KCNH2: variants seen among roughly 807,000 people sequenced by gnomAD.
KCNH2 encodes the protein voltage-gated inwardly rectifying potassium channel KCNH2.
In KCNH2, 35 loss-of-function variants were observed where a neutral mutation model predicts 95.9. The observed-to-expected ratio is 0.37, with a 90% confidence interval of 0.28 to 0.48. The LOEUF (loss-of-function observed/expected upper bound fraction) is 0.48. KCNH2 is among the 20% of genes least tolerant of loss of function. KCNH2 has a pLI of 0.99. For synonymous variants in KCNH2, 786 were observed against 754.7 expected (o/e 1.04, Z -0.68); for missense variants, 1,274 against 1,702.9 (o/e 0.75, Z 4.43).
Position 150,948,842 on chromosome 7 carries a change from G to A in KCNH2, c.2592+14C>T. 1 of 1,613,632 alleles carries A rather than the reference G, an allele frequency of 6.2e-7. No individual in the cohort carries two copies. The highest frequency in any genetic ancestry group is 1.1e-5 in the South Asian group (1 of 91,048). ...AGCAGGAGGATGGGGTCCAGCTCAG[G>A]GCAGCCAACTCACATCTCGCAGGTT... On this transcript the variant is annotated intron_variant, in intron 10 of 14. Coordinates refer to ENST00000262186, the MANE Select transcript of KCNH2 (RefSeq NM_000238.4).
intron 2 of KCNH2, among the ~76,000 whole-genome samples, chr7:150,967,755 G>T (rs1801742707): frequency 6.6e-6 from 1 of 152,216 alleles, no homozygotes; most frequent in African/African-American, 2.4e-5. Flanking sequence ...AAAAATCAAT[G>T]AATTTGTTTG....
chr7:150,975,032 C>T (rs1801946241), intron 1 of KCNH2, 91 bp from the exon 2 acceptor site: 1 of 1,107,944 alleles, frequency 9.0e-7, no homozygotes, highest in Admixed American at 2.2e-5. Context: ...CACACAGCCG[C>T]CCGGGGACTC....
intron 2 of KCNH2, among the ~76,000 whole-genome samples, chr7:150,967,254 G>A (rs1002500999): frequency 1.3e-5 from 2 of 152,076 alleles, no homozygotes; most frequent in Non-Finnish European, 2.9e-5. Context: ...ACTCCAGCCT[G>A]GGCAACAGAG....
chr7:150,950,216 G>C lies in KCNH2; in HGVS notation c.2350C>G (p.Arg784Gly), dbSNP rs12720441. The C allele has an allele frequency of 6.2e-7, 1 of 1,612,520 alleles. No individual in the cohort carries two copies. The highest frequency in any genetic ancestry group is 2.2e-5 in the East Asian group (1 of 44,758). ...CCCCGCAGGATCTCGATGGAGCCCC[G>C]GGAGATGAAGTACAGGGCGGTGAGC... is the stretch of plus-strand genomic sequence containing the variant. ...DLLTALYFIS[R>G]GSIEILRGDV... The change falls in exon 9 of 15, where the codon CGG becomes GGG. Residue 784 changes from arginine (R) to glycine (G), a missense_variant. By Grantham distance (125) the Arg-to-Gly change is moderately radical (BLOSUM62 -2). This residue lies in a region of KCNH2 where 159 missense variants were observed against 282.5 expected (regional missense o/e 0.56). Coordinates refer to ENST00000262186, the MANE Select transcript of KCNH2 (RefSeq NM_000238.4).
chr7:150,950,463 ACCC>A, intron 8 of KCNH2, 43 bp from the exon 9 acceptor site: 1 of 1,599,166 alleles, frequency 6.3e-7, no homozygotes, highest in Non-Finnish European at 8.5e-7. Flanking sequence ...CTCCCTTGGG[ACCC>A]CCCAACCCAC....
In KCNH2 at chr7:150,977,731, T is replaced by A. The variant is rs998782873; in HGVS notation, c.76+107A>T. On this transcript the variant is annotated intron_variant, in intron 1 of 14. Transcript: ENST00000262186. ...CTGGGGCCCACCAGGCCCCATTGAC[T>A]CGCACTTGCCGACGCACACGGCCCG... 1.5e-5 allele frequency: 13 copies of A among 855,878 alleles called. No individual in the cohort carries two copies. In the African/African-American group the frequency reaches 2.0e-4, roughly 13 times the overall value. The allele number at this position is 855,878 out of a possible 1,614,324, so 53.0% of individuals were successfully genotyped here. A position where few individuals can be genotyped will look rare whatever the true frequency, so the allele number is the denominator to read the frequency against.
At chr7:150,975,732 C>T (rs1801966222) in intron 1 of KCNH2, among the ~76,000 whole-genome samples, 1 of 152,210 alleles carries the variant, frequency 6.6e-6, no homozygotes, top group African/African-American at 2.4e-5. Context: ...AGCTTTTGAA[C>T]CTTGGTCTGG....
At position 150,952,038 on chromosome 7, in the gene KCNH2, C is replaced by G. The variant is rs1397091497; in HGVS notation, c.1558-203G>C. ...TGCTAGCTTTGGGACAGAGGCAGCC[C>G]CCATAGTGTGGATGAGGAAACAGGG... On this transcript the variant is annotated intron_variant, in intron 6 of 14. Coordinates refer to ENST00000262186, the MANE Select transcript of KCNH2 (RefSeq NM_000238.4). This position sits in a 1 kb window ranked among gnomAD's most constrained non-coding sequence, Gnocchi z 7.3. Among the ~76,000 whole-genome samples, 1 of 152,144 alleles carries G rather than the reference C, an allele frequency of 6.6e-6. No homozygotes were observed. Among genetic ancestry groups the G allele is most frequent in the Non-Finnish European group, 1.5e-5 (1 of 68,006 alleles).
intron 2 of KCNH2, among the ~76,000 whole-genome samples, chr7:150,972,517 G>A (rs1326900092): frequency 2.0e-5 from 3 of 152,234 alleles, no homozygotes; most frequent in African/African-American, 7.2e-5. Flanking sequence ...GGATACATGG[G>A]GTCCTAGGTG....
Position 150,952,426 on chromosome 7 carries a change from T to A in KCNH2, c.1556A>T (p.Glu519Val). Reference sequence around the variant, plus strand: ...CACCTGCCTCCTTGCTGACCCCACCTCCTCAGAGCCAGAGCCGAAGATGAG... The same window carrying A: ...CACCTGCCTCCTTGCTGACCCCACCACCTCAGAGCCAGAGCCGAAGATGAG... ...DLLIFGSGSE[E>V]LIGLLKTARL... Residue 519 changes from glutamate to valine, a missense_variant and splice_region_variant, in exon 6 of 15, where the codon GAG becomes GTG. Glu to Val is a moderately radical substitution (Grantham distance 121, BLOSUM62 -2). This residue lies in a region of KCNH2 where 147 missense variants were observed against 344.4 expected (regional missense o/e 0.43). Transcript: ENST00000262186. The surrounding 1 kb of genome is among the most constrained non-coding windows in gnomAD (Gnocchi z 7.3). 6.2e-7 allele frequency: 1 copy of A among 1,613,638 alleles called. No individual in the cohort carries two copies. The highest frequency in any genetic ancestry group is 1.1e-5 in the South Asian group (1 of 91,042).
chr7:150,963,200 C>G (rs1801613809), intron 2 of KCNH2, among the ~76,000 whole-genome samples: 1 of 152,238 alleles, frequency 6.6e-6, no homozygotes, highest in Non-Finnish European at 1.5e-5. Flanking sequence ...TGGGCGCACT[C>G]AGGGGGCAGC....
At chr7:150,970,867 T>C (rs1196773904) in intron 2 of KCNH2, among the ~76,000 whole-genome samples, 1 of 152,190 alleles carries the variant, frequency 6.6e-6, no homozygotes, top group East Asian at 1.9e-4. Flanking sequence ...CGCTCTGGTC[T>C]GCCTCCTATC....
In KCNH2 at chr7:150,947,742, A is replaced by G. The variant is rs1184061501; in HGVS notation, c.2829T>C (p.Asp943=). ...GGCTGGAGCTGCGGCCTGGGCCCTCATCCTCACTGCTCTCAGGGCTGGAGG... is the reference window on the plus strand; with the variant it reads ...GGCTGGAGCTGCGGCCTGGGCCCTCGTCCTCACTGCTCTCAGGGCTGGAGG... ...SGPSSPESSE[D]EGPGRSSSPL... Residue 943 remains aspartate (D), a synonymous_variant, in exon 12 of 15, where the codon GAT becomes GAC. Coordinates refer to ENST00000262186, the MANE Select transcript of KCNH2 (RefSeq NM_000238.4). The G allele has an allele frequency of 3.2e-6, 5 of 1,553,742 alleles. No individual in the cohort carries two copies. Among genetic ancestry groups the G allele is most frequent in the South Asian group, 2.3e-5 (2 of 85,314 alleles).
chr7:150,946,979 G>A lies in KCNH2; in HGVS notation c.3228C>T (p.Pro1076=), dbSNP rs41312087. ...CCGGGGTGGTCACAGCACTGTAGGC[G>A]GGCGGGACCAGCGTCATCTGCCTCT... ...LLQRQMTLVP[P]AYSAVTTPGP... The change falls in exon 14 of 15, where the codon CCC becomes CCT. Residue 1076 remains proline (P), a synonymous_variant. Transcript: ENST00000262186. This position sits in a 1 kb window ranked among gnomAD's most constrained non-coding sequence, Gnocchi z 6.5. 1.3e-4 allele frequency: 207 copies of A among 1,610,286 alleles called. 1 individual carries two copies. In the East Asian group the frequency reaches 4.1e-3, roughly 32 times the overall value.
At position 150,947,813 on chromosome 7, in the gene KCNH2, G is replaced by C. The variant is rs199473438; in HGVS notation, c.2758C>G (p.Arg920Gly). 1.2e-4 allele frequency: 186 copies of C among 1,529,202 alleles called. No individual in the cohort carries two copies. Among genetic ancestry groups the C allele is most frequent in the Non-Finnish European group, 1.5e-4 (174 of 1,143,172 alleles). The allele number at this position is 1,529,202 out of a possible 1,614,324, so 94.7% of individuals were successfully genotyped here. ...CCCCACGGCCCCCCCGGCCGGCCCC[G>C]GCTACTCGGCCCTGCCCCCGCCCGG... ...PGRAGAGPSSRGRPGGPWGES... is the reference protein window; with the variant it reads ...PGRAGAGPSSGGRPGGPWGES... Residue 920 changes from arginine (R) to glycine (G), a missense_variant, in exon 12 of 15, where the codon CGG becomes GGG. Arg to Gly is a moderately radical substitution (Grantham distance 125, BLOSUM62 -2). This residue lies in a region of KCNH2 where 457 missense variants were observed against 416.1 expected (regional missense o/e 1.10). Transcript: ENST00000262186.
In KCNH2 at chr7:150,948,432, C is replaced by T; in HGVS notation, c.2692+12G>A. 3 of 1,507,226 alleles carry T rather than the reference C, an allele frequency of 2.0e-6. No homozygotes were observed. Among genetic ancestry groups the T allele is most frequent in the Non-Finnish European group, 2.7e-6 (3 of 1,092,654 alleles). 93.4% of individuals were successfully genotyped at this position (1,507,226 alleles called of 1,614,324 possible). A position where few individuals can be genotyped will look rare whatever the true frequency, so the allele number is the denominator to read the frequency against. On this transcript the variant is annotated intron_variant, in intron 11 of 14. Transcript: ENST00000262186. ...TCCCCGCCCTCCCCCTTCCTCCCCTCCCCCGCCTCACCCTTGTCCGTGCGC... is the reference window on the plus strand; with the variant it reads ...TCCCCGCCCTCCCCCTTCCTCCCCTTCCCCGCCTCACCCTTGTCCGTGCGC...
chr7:150,949,064 G>C lies in KCNH2; in HGVS notation c.2399-15C>G, dbSNP rs1246466836. ...GTCATTCTTCCCTGGAGGCCATGGA[G>C]AGGACAGGGAGCTCAGCCCCGGGGG... On this transcript the variant is annotated splice_polypyrimidine_tract_variant and intron_variant, in intron 9 of 14. Coordinates refer to ENST00000262186, the MANE Select transcript of KCNH2 (RefSeq NM_000238.4). 6.2e-7 allele frequency: 1 copy of C among 1,611,980 alleles called. No homozygotes were observed. The highest frequency in any genetic ancestry group is 8.5e-7 in the Non-Finnish European group (1 of 1,178,332).
At position 150,955,643 on chromosome 7, in the gene KCNH2, G is replaced by A; in HGVS notation, c.1128+1648C>T. On this transcript the variant is annotated intron_variant, in intron 5 of 14. Coordinates refer to ENST00000262186, the MANE Select transcript of KCNH2 (RefSeq NM_000238.4). ...TGGCAACCAGAGCAGCCCCTGGCATGAAGCCAGGGTGGTTGTGGCTGGGCC... is the reference window on the plus strand; with the variant it reads ...TGGCAACCAGAGCAGCCCCTGGCATAAAGCCAGGGTGGTTGTGGCTGGGCC... 2.1e-6 allele frequency: 3 copies of A among 1,420,744 alleles called. No individual in the cohort carries two copies. In the South Asian group the frequency reaches 4.7e-5, roughly 22 times the overall value. The allele number at this position is 1,420,744 out of a possible 1,614,324, so 88.0% of individuals were successfully genotyped here. A position where few individuals can be genotyped will look rare whatever the true frequency, so the allele number is the denominator to read the frequency against.
intron 2 of KCNH2, among the ~76,000 whole-genome samples, chr7:150,963,763 C>G (rs547053026): frequency 2.0e-5 from 3 of 152,194 alleles, no homozygotes; most frequent in Admixed American, 1.3e-4. Flanking sequence ...TTAGAACCCC[C>G]GTGCCTTTGG....
Sources: gnomAD v4.1 joint callset for allele counts (sites outside exome capture counted in the v4.1 genomes callset) on GRCh38, gnomAD v4.1.1 for gene constraint, gnomAD v4.1.1 regional missense constraint, Gnocchi (gnomAD v3.1) non-coding constraint, MANE v1.5 for transcripts, NCBI Gene and HGNC (gene_info 2026-07-23, HGNC 2026-07-21) for gene names.